PIK3CA: variants seen among roughly 807,000 people sequenced by gnomAD.
The protein encoded by PIK3CA is phosphatidylinositol-4,5-bisphosphate 3-kinase catalytic subunit alpha.
In PIK3CA, 27 loss-of-function variants were observed where a neutral mutation model predicts 138.2. The observed-to-expected ratio is 0.20, with a 90% confidence interval of 0.14 to 0.27. PIK3CA has a LOEUF of 0.27. Among genes scored for constraint, PIK3CA ranks in the 10% least tolerant of loss-of-function variants. The pLI is 1.00. For synonymous variants in PIK3CA, 358 were observed against 413.2 expected (o/e 0.87, Z 1.62); for missense variants, 544 against 1,277.4 (o/e 0.43, Z 8.75).
intron 7 of PIK3CA, 37 bp from the exon 8 acceptor site, chr3:179,210,149 A>G (rs1299763922): frequency 2.7e-6 from 4 of 1,474,520 alleles, no homozygotes; most frequent in African/African-American, 2.9e-5. Flanking sequence ...TGTGTTTTAT[A>G]ATTTAGACTA....
chr3:179,190,993 G>A (rs57478677), intron 1 of PIK3CA, among the ~76,000 whole-genome samples: 8,657 of 152,246 alleles, frequency 0.057, 302 homozygotes, highest in African/African-American at 0.095. Context: ...GTCTGTATGG[G>A]CCTGGTGTCT....
rs147045494 is a variant in PIK3CA at position 179,165,179 on chromosome 3, G to A, written c.-77+16576G>A. Among the ~76,000 whole-genome samples the A allele has an allele frequency of 2.4e-3, 362 of 152,186 alleles. 2 individuals are homozygous for A. Among genetic ancestry groups the A allele is most frequent in the African/African-American group, 7.8e-3 (323 of 41,542 alleles). The stretch of plus-strand genomic sequence containing the variant: ...ATAGGCTGTATGGAAGAGACTGGGG[G>A]GAGATTAACACTGCTTTCACACTGC... On this transcript the variant is annotated intron_variant, in intron 1 of 20. Transcript: ENST00000263967.
intron 1 of PIK3CA, among the ~76,000 whole-genome samples, chr3:179,170,023 C>G (rs1372013440): frequency 1.3e-5 from 2 of 152,170 alleles, no homozygotes; most frequent in Non-Finnish European, 2.9e-5. Flanking sequence ...CTTCCTCCCT[C>G]CCTCTTCCTT....
rs866735455 is a variant in PIK3CA, at chr3:179,237,019, T to G, written c.*2655T>G. 8 of 195,274 alleles carry G rather than the reference T, an allele frequency of 4.1e-5. No homozygotes were observed. Among genetic ancestry groups the G allele is most frequent in the Middle Eastern group, 1.7e-3 (1 of 574 alleles). The allele number at this position is 195,274 out of a possible 1,614,324, so 12.1% of individuals were successfully genotyped here. A position where few individuals can be genotyped will look rare whatever the true frequency, so the allele number is the denominator to read the frequency against. On this transcript the variant is annotated 3_prime_UTR_variant, in exon 21 of 21. Transcript: ENST00000263967. ...ATTGGGCCACTTAAGAAATATTTCC[T>G]TGAATAATTATTTTGAGAAAAAGTC...
chr3:179,156,702 C>A (rs1363622190), intron 1 of PIK3CA, among the ~76,000 whole-genome samples: 1 of 152,012 alleles, frequency 6.6e-6, no homozygotes, highest in East Asian at 1.9e-4. Context: ...ATTTTTTAAC[C>A]AGCACACTGC....
At chr3:179,202,357 A>T (rs1415563489) in intron 4 of PIK3CA, among the ~76,000 whole-genome samples, 1 of 152,222 alleles carries the variant, frequency 6.6e-6, no homozygotes, top group Admixed American at 6.5e-5. Context: ...GGCGTGAGCC[A>T]TTGCGCCCAG....
intron 1 of PIK3CA, among the ~76,000 whole-genome samples, chr3:179,184,085 G>A (rs1576924690): frequency 6.6e-6 from 1 of 152,142 alleles, no homozygotes; most frequent in East Asian, 1.9e-4. Context: ...GCCCCTCCCT[G>A]TGCAAAATTG....
chr3:179,199,006 C>A lies in PIK3CA; in HGVS notation c.181C>A (p.Leu61Ile), dbSNP rs2108385717. 1 of 1,613,318 alleles carries A rather than the reference C, an allele frequency of 6.2e-7. No individual in the cohort carries two copies. ...AGCAAGAAAATACCCCCTCCATCAA[C>A]TTCTTCAAGATGAATCTTCTTACAT... Reference protein sequence around the residue: ...KEARKYPLHQLLQDESSYIFV... With the variant: ...KEARKYPLHQILQDESSYIFV... The change falls in exon 2 of 21, where the codon CTT (leucine) becomes ATT (isoleucine). Residue 61 changes from leucine (L) to isoleucine (I), a missense_variant. Physicochemically the swap from Leu to Ile is conservative, Grantham distance 5. Around this residue, in one of 14 missense-constraint regions of PIK3CA, gnomAD observed 47 missense variants for 84.0 expected, o/e 0.56. Transcript: ENST00000263967.
intron 1 of PIK3CA, among the ~76,000 whole-genome samples, chr3:179,184,380 A>G (rs1228244079): frequency 6.6e-6 from 1 of 152,208 alleles, no homozygotes; most frequent in Non-Finnish European, 1.5e-5. Context: ...ATCATAGTCA[A>G]CAGACACCAT....
chr3:179,160,435 A>G (rs1350593072), intron 1 of PIK3CA, among the ~76,000 whole-genome samples: 1 of 152,170 alleles, frequency 6.6e-6, no homozygotes, highest in Non-Finnish European at 1.5e-5. Context: ...TCAGACATGT[A>G]ATGTTCATAC....
rs544318856 is a variant in PIK3CA, at chr3:179,221,536, A to T, written c.2187+379A>T. ...ACAGTGATTATTTCCTTATTCTGTC[A>T]TTTATTGTCTCTCAGTAATGACCCT... On this transcript the variant is annotated intron_variant, in intron 14 of 20. Transcript: ENST00000263967. Among the ~76,000 whole-genome samples the T allele has an allele frequency of 9.9e-5, 15 of 151,998 alleles. No individual in the cohort carries two copies. The East Asian group carries it at 2.9e-3, about 29-fold the overall frequency.
In PIK3CA at chr3:179,210,332, A is replaced by C; in HGVS notation, c.1398A>C (p.Pro466=). Residue 466 remains proline, a synonymous_variant, in exon 8 of 21, where the codon CCA becomes CCC. Coordinates refer to ENST00000263967, the MANE Select transcript of PIK3CA (RefSeq NM_006218.4). ...LNPIGVTGSN[P]NKETPCLELE... is the part of the protein sequence containing the mutation. ...CTATTGGTGTTACTGGATCAAATCC[A>C]AATAAAGTAAGGTTTTTATTGTCAT... The C allele has an allele frequency of 2.5e-6, 4 of 1,586,256 alleles. No individual in the cohort carries two copies. Among genetic ancestry groups the C allele is most frequent in the Non-Finnish European group, 3.4e-6 (4 of 1,172,732 alleles).
intron 1 of PIK3CA, among the ~76,000 whole-genome samples, chr3:179,153,111 T>G (rs748398873): frequency 6.6e-6 from 1 of 152,180 alleles, no homozygotes; most frequent in African/African-American, 2.4e-5. Context: ...TTTAGTAATT[T>G]TCAGGTGATA....
intron 20 of PIK3CA, chr3:179,233,224 A>G (rs548472223): frequency 2.0e-4 from 80 of 397,644 alleles, no homozygotes; most frequent in African/African-American, 1.4e-3. Flanking sequence ...ATTGGTAAAC[A>G]GCTATAGTTT....
chr3:179,180,841 A>G (rs761157989), intron 1 of PIK3CA, among the ~76,000 whole-genome samples: 1 of 152,144 alleles, frequency 6.6e-6, no homozygotes, highest in African/African-American at 2.4e-5. Context: ...TACCTTTGTA[A>G]CTTTTAATTA....
At chr3:179,181,299 TA>T (rs1723839502) in intron 1 of PIK3CA, among the ~76,000 whole-genome samples, 1 of 151,534 alleles carries the variant, frequency 6.6e-6, no homozygotes, top group Admixed American at 6.6e-5. Context: ...AAAGAAACAT[TA>T]TTTTTTTTTT....
chr3:179,178,975 A>G (rs1723773313), intron 1 of PIK3CA, among the ~76,000 whole-genome samples: 1 of 152,206 alleles, frequency 6.6e-6, no homozygotes, highest in Admixed American at 6.5e-5. Flanking sequence ...TCCCAAAGGA[A>G]AGCAGGTATT....
intron 1 of PIK3CA, among the ~76,000 whole-genome samples, chr3:179,165,824 C>T (rs1723403808): frequency 6.6e-6 from 1 of 152,160 alleles, no homozygotes; most frequent in Non-Finnish European, 1.5e-5. Flanking sequence ...CTGTGGTTCA[C>T]AGCCTTTTTT....
chr3:179,230,627 C>T lies in PIK3CA; in HGVS notation c.2936+251C>T, dbSNP rs1725188924. On this transcript the variant is annotated intron_variant, in intron 20 of 20. Coordinates refer to ENST00000263967, the MANE Select transcript of PIK3CA (RefSeq NM_006218.4). This position sits in a 1 kb window ranked among gnomAD's most constrained non-coding sequence, Gnocchi z 5.4. ...AAAAGTAGCCAGGCGTGGTGGCATGCACTGTAGTCCCAGCTACTCAGGAGG... is the reference window on the plus strand; with the variant it reads ...AAAAGTAGCCAGGCGTGGTGGCATGTACTGTAGTCCCAGCTACTCAGGAGG... Among the ~76,000 whole-genome samples the T allele has an allele frequency of 6.6e-6, 1 of 151,884 alleles. No individual in the cohort carries two copies. Among genetic ancestry groups the T allele is most frequent in the Non-Finnish European group, 1.5e-5 (1 of 67,950 alleles).
Sources: gnomAD v4.1 joint callset for allele counts (sites outside exome capture counted in the v4.1 genomes callset) on GRCh38, gnomAD v4.1.1 for gene constraint, gnomAD v4.1.1 regional missense constraint, Gnocchi (gnomAD v3.1) non-coding constraint, MANE v1.5 for transcripts, NCBI Gene and HGNC (gene_info 2026-07-23, HGNC 2026-07-21) for gene names.